The following TSC22D1 variants were observed in gnomAD, a reference collection of about 807,000 sequenced individuals.
The protein encoded by TSC22D1 is TSC22 domain family protein 1.
A neutral mutation model predicts 74.2 loss-of-function variants in TSC22D1; 9 were observed. The observed-to-expected ratio is 0.12, with a 90% CI of 0.07 to 0.21. TSC22D1 has a LOEUF of 0.21. Ranked by LOEUF, TSC22D1 falls within the 10% of genes least tolerant of loss-of-function variation. TSC22D1 has a pLI of 1.00. For synonymous variants in TSC22D1, 586 were observed against 492.5 expected, an observed-to-expected ratio of 1.19 and a Z score of -2.51; for missense variants, 1,427 against 1,304.7, an observed-to-expected ratio of 1.09 and a Z score of -1.44.
At chr13:44,505,975 G>T (rs1424778130) in intron 1 of TSC22D1, among the ~76,000 whole-genome samples, 1 of 152,096 alleles carries the variant, frequency 6.6e-6, no homozygotes, top group South Asian at 2.1e-4. Context: ...TGTGAAATAG[G>T]TAGGAAAATG....
intron 1 of TSC22D1, among the ~76,000 whole-genome samples, chr13:44,545,260 G>A (rs893111972): frequency 6.0e-5 from 9 of 151,104 alleles, no homozygotes; most frequent in African/African-American, 2.0e-4. Context: ...GCTTGAACCC[G>A]GGAGGTGGAG....
chr13:44,538,293 T>A, intron 1 of TSC22D1: 1 of 985,334 alleles, frequency 1.0e-6, no homozygotes, highest in Non-Finnish European at 1.2e-6. Context: ...CTTTGTTGAT[T>A]TGACAATTAT....
chr13:44,550,593 A>AAAAAAAAG (rs1222887780), intron 1 of TSC22D1, among the ~76,000 whole-genome samples: 7 of 151,536 alleles, frequency 4.6e-5, no homozygotes, highest in Non-Finnish European at 1.0e-4. Context: ...GGGGAAAAAA[A>AAAAAAAAG]AAAAAAAGAA....
chr13:44,538,755 T>TA, intron 1 of TSC22D1: 2 of 985,420 alleles, frequency 2.0e-6, no homozygotes, highest in Non-Finnish European at 2.4e-6. Context: ...CTTCTAGACA[T>TA]ATTGCATGGA....
chr13:44,517,333 A>C (rs1055131710), intron 1 of TSC22D1, among the ~76,000 whole-genome samples: 3 of 148,692 alleles, frequency 2.0e-5, no homozygotes, highest in African/African-American at 5.0e-5. Flanking sequence ...ACAAAAACAA[A>C]ACACACACAC....
intron 1 of TSC22D1, among the ~76,000 whole-genome samples, chr13:44,486,805 G>A (rs1229423867): frequency 6.6e-6 from 1 of 152,036 alleles, no homozygotes; most frequent in East Asian, 1.9e-4. Flanking sequence ...AAGCATAAAA[G>A]CACCCACACT....
At chr13:44,474,068 G>T in intron 1 of TSC22D1, 1 of 209,854 alleles carries the variant, frequency 4.8e-6, no homozygotes, top group Non-Finnish European at 8.3e-6. Context: ...GAAAAACAAA[G>T]CAAAGAACTA....
At chr13:44,558,675 G>A (rs1882846063) in intron 1 of TSC22D1, among the ~76,000 whole-genome samples, 1 of 152,220 alleles carries the variant, frequency 6.6e-6, no homozygotes, top group African/African-American at 2.4e-5. Context: ...AGGAGGCAGA[G>A]GCTGCAGTGA....
At chr13:44,484,049 A>T (rs1188320780) in intron 1 of TSC22D1, among the ~76,000 whole-genome samples, 1 of 152,248 alleles carries the variant, frequency 6.6e-6, no homozygotes, top group South Asian at 2.1e-4. Flanking sequence ...CTTATACACG[A>T]ATCTTGGCCC....
chr13:44,515,012 G>A (rs930167079), intron 1 of TSC22D1, among the ~76,000 whole-genome samples: 11 of 152,200 alleles, frequency 7.2e-5, no homozygotes, highest in East Asian at 5.8e-4. Flanking sequence ...AGGAAAAGAG[G>A]CATTCTCATC....
chr13:44,570,733 A>G (rs992612777), intron 1 of TSC22D1, among the ~76,000 whole-genome samples: 2 of 152,178 alleles, frequency 1.3e-5, no homozygotes, highest in African/African-American at 2.4e-5. Flanking sequence ...CATAATATTG[A>G]AATTATATAT....
intron 1 of TSC22D1, among the ~76,000 whole-genome samples, chr13:44,501,753 A>C (rs1035165800): frequency 2.6e-5 from 4 of 152,204 alleles, no homozygotes; most frequent in Non-Finnish European, 5.9e-5. Flanking sequence ...AAGCCTCATA[A>C]ATTTACTAAT....
intron 1 of TSC22D1, among the ~76,000 whole-genome samples, chr13:44,528,934 C>A (rs1880686922): frequency 6.6e-6 from 1 of 152,006 alleles, no homozygotes; most frequent in African/African-American, 2.4e-5. Flanking sequence ...TGGGAAAAAA[C>A]AGATAAACTG....
intron 2 of TSC22D1, chr13:44,435,791 A>C (rs1293170534): frequency 3.7e-6 from 2 of 540,714 alleles, no homozygotes; most frequent in Non-Finnish European, 6.6e-6. Flanking sequence ...AAAAAGGGTC[A>C]CCGTGAGAAA....
At chr13:44,506,317 C>T (rs1027427086) in intron 1 of TSC22D1, among the ~76,000 whole-genome samples, 36 of 152,172 alleles carry the variant, frequency 2.4e-4, no homozygotes, top group African/African-American at 7.7e-4. Context: ...TGTGTGAAAG[C>T]AGTCTACCTT....
chr13:44,556,933 C>T lies in TSC22D1; in HGVS notation c.2912+16230G>A, dbSNP rs1258464545. Among the ~76,000 whole-genome samples the T allele has an allele frequency of 4.8e-5, 7 of 144,954 alleles. No homozygotes were observed. In the South Asian group the frequency reaches 1.1e-3, roughly 23 times the overall value. On this transcript the variant is annotated intron_variant, in intron 1 of 2. Coordinates refer to ENST00000458659, the MANE Select transcript of TSC22D1 (RefSeq NM_183422.4). ...CCGAGGCGGGCGGATCACCTGAGGTCGGGAGTTCGAGACCAGCTTGACCAA... is the reference window on the plus strand; with the variant it reads ...CCGAGGCGGGCGGATCACCTGAGGTTGGGAGTTCGAGACCAGCTTGACCAA...
At chr13:44,566,781 C>A (rs1420968102) in intron 1 of TSC22D1, among the ~76,000 whole-genome samples, 1 of 152,104 alleles carries the variant, frequency 6.6e-6, no homozygotes, top group Non-Finnish European at 1.5e-5. Context: ...GGAAAGCAGA[C>A]AGTTGAGTGA....
intron 1 of TSC22D1, among the ~76,000 whole-genome samples, chr13:44,530,356 C>G (rs562685777): frequency 6.6e-6 from 1 of 151,944 alleles, no homozygotes; most frequent in African/African-American, 2.4e-5. Flanking sequence ...CCTCATCCCC[C>G]CAAAAATCAA....
At chr13:44,436,360 GTTTT>G (rs771192902) in intron 1 of TSC22D1, 2 of 1,206,626 alleles carry the variant, frequency 1.7e-6, no homozygotes, top group Middle Eastern at 2.6e-4. Context: ...CAAAAATAAG[GTTTT>G]TTAACATTTC....
Sources: gnomAD v4.1 joint callset for allele counts (sites outside exome capture counted in the v4.1 genomes callset) on GRCh38, gnomAD v4.1.1 for gene constraint, MANE v1.5 for transcripts, NCBI Gene and HGNC (gene_info 2026-07-23, HGNC 2026-07-21) for gene names.